The following ARHGAP24 variants were observed in gnomAD, a reference collection of about 807,000 sequenced individuals.
ARHGAP24 encodes rho GTPase-activating protein 24.
ARHGAP24 carries 50 observed loss-of-function variants against 76.4 expected under a neutral mutation model. The observed-to-expected ratio is 0.65, with a 90% CI of 0.52 to 0.83. The LOEUF is 0.83. Ranked by LOEUF, ARHGAP24 falls within the 40% of genes least tolerant of loss-of-function variation. The probability of loss-of-function intolerance (pLI) is 0.00; values close to 1 mark genes in which losing one functional copy is unlikely to be tolerated. For synonymous variants in ARHGAP24, 345 were observed against 323.3 expected (o/e 1.07, Z -0.72); for missense variants, 930 against 914.2 (o/e 1.02, Z -0.22).
At chr4:85,594,591 GA>G (rs1426600430) in intron 2 of ARHGAP24, among the ~76,000 whole-genome samples, 1 of 151,982 alleles carries the variant, frequency 6.6e-6, no homozygotes, top group Non-Finnish European at 1.5e-5. Context: ...AAAAGCCATT[GA>G]ATTGCCTTCT....
chr4:85,594,839 G>A (rs151152488), intron 2 of ARHGAP24, among the ~76,000 whole-genome samples: 160 of 152,054 alleles, frequency 1.1e-3, no homozygotes, highest in African/African-American at 3.6e-3. Flanking sequence ...ATCTAACTAC[G>A]TATGAGGTGA....
Position 85,995,399 on chromosome 4 carries a change from A to C in ARHGAP24, c.1745A>C (p.Asp582Ala). Residue 582 changes from aspartate (D) to alanine (A), a missense_variant, in exon 9 of 10, where the codon GAC becomes GCC. Transcript: ENST00000395184. ...RSSTTTCPEQ[D>A]FFGGNFEDPV... ...TCTACCACCACCTGCCCAGAGCAAG[A>C]CTTTTTTGGGGGGAACTTTGAGGAC... The C allele has an allele frequency of 6.2e-7, 1 of 1,613,026 alleles. No homozygotes were observed. Among genetic ancestry groups the C allele is most frequent in the Non-Finnish European group, 8.5e-7 (1 of 1,179,232 alleles).
At chr4:85,521,731 T>C (rs1050616541) in intron 1 of ARHGAP24, among the ~76,000 whole-genome samples, 6 of 152,188 alleles carry the variant, frequency 3.9e-5, no homozygotes, top group Admixed American at 6.6e-5. Flanking sequence ...CTAGTTTCTG[T>C]CAGTTTAAAA....
At chr4:85,642,410 A>G (rs977507672) in intron 2 of ARHGAP24, among the ~76,000 whole-genome samples, 3 of 152,120 alleles carry the variant, frequency 2.0e-5, no homozygotes, top group Non-Finnish European at 2.9e-5. Flanking sequence ...ACTTCTTTCA[A>G]TAGTCTACTA....
intron 3 of ARHGAP24, among the ~76,000 whole-genome samples, chr4:85,860,219 T>C (rs1344605037): frequency 2.0e-5 from 3 of 152,090 alleles, no homozygotes; most frequent in Non-Finnish European, 4.4e-5. Flanking sequence ...TAAGGTACTA[T>C]TTATGGAGAA....
intron 3 of ARHGAP24, among the ~76,000 whole-genome samples, chr4:85,767,599 A>C (rs1726977674): frequency 6.6e-6 from 1 of 152,184 alleles, no homozygotes. Context: ...GGAGGGAGGA[A>C]AAAGAAAAAT....
chr4:85,633,634 G>A (rs1399346910), intron 2 of ARHGAP24, among the ~76,000 whole-genome samples: 2 of 151,678 alleles, frequency 1.3e-5, no homozygotes, highest in African/African-American at 4.8e-5. Flanking sequence ...CACCCAGAAG[G>A]TGAGTGAGAA....
intron 2 of ARHGAP24, among the ~76,000 whole-genome samples, chr4:85,575,746 G>T (rs1727344327): frequency 6.6e-6 from 1 of 152,232 alleles, no homozygotes; most frequent in Admixed American, 6.5e-5. Context: ...TTTCCTAATG[G>T]TTTTTCAGGC....
At chr4:85,915,270 G>A (rs10516766) in intron 3 of ARHGAP24, among the ~76,000 whole-genome samples, 23,756 of 152,136 alleles carry the variant, frequency 0.16, 2,128 homozygotes, top group South Asian at 0.34. Flanking sequence ...TCCAAGAAAT[G>A]CGAAAAATAG....
intron 3 of ARHGAP24, among the ~76,000 whole-genome samples, chr4:85,758,644 A>C (rs936212533): frequency 3.9e-5 from 6 of 152,210 alleles, no homozygotes; most frequent in African/African-American, 1.2e-4. Context: ...GGTGCGTTGG[A>C]GGAAGGCAAG....
At chr4:85,991,728 G>C (rs905902387) in intron 8 of ARHGAP24, 1 of 156,630 alleles carries the variant, frequency 6.4e-6, no homozygotes, top group Non-Finnish European at 1.4e-5. Context: ...AGAGGCATAA[G>C]TGTCACTTTT....
At chr4:85,900,529 C>A (rs1194182776) in intron 3 of ARHGAP24, among the ~76,000 whole-genome samples, 1 of 151,752 alleles carries the variant, frequency 6.6e-6, no homozygotes, top group African/African-American at 2.4e-5. Flanking sequence ...CGGCCCATTG[C>A]AACCTCTGCC....
chr4:85,511,315 A>C (rs1358734248), intron 1 of ARHGAP24, among the ~76,000 whole-genome samples: 5 of 152,140 alleles, frequency 3.3e-5, no homozygotes, highest in African/African-American at 1.2e-4. Context: ...GATCTAGGAA[A>C]GACTTTCAAC....
intron 3 of ARHGAP24, among the ~76,000 whole-genome samples, chr4:85,793,961 GA>G (rs1266436875): frequency 6.6e-6 from 1 of 152,196 alleles, no homozygotes; most frequent in East Asian, 1.9e-4. Flanking sequence ...ATTTATTTAA[GA>G]GTATGAAGCA....
At chr4:85,956,652 A>G (rs1737917245) in intron 5 of ARHGAP24, among the ~76,000 whole-genome samples, 1 of 152,208 alleles carries the variant, frequency 6.6e-6, no homozygotes, top group Non-Finnish European at 1.5e-5. Flanking sequence ...CCCAGTGACT[A>G]GTGTTCAGCT....
chr4:85,937,326 G>T (rs938783073), intron 4 of ARHGAP24, among the ~76,000 whole-genome samples: 4 of 152,102 alleles, frequency 2.6e-5, no homozygotes, highest in African/African-American at 9.7e-5. Flanking sequence ...CCAAAATTAG[G>T]ATTAAAAGAC....
intron 1 of ARHGAP24, among the ~76,000 whole-genome samples, chr4:85,509,638 A>G (rs1724200184): frequency 6.6e-6 from 1 of 152,064 alleles, no homozygotes; most frequent in East Asian, 1.9e-4. Context: ...ACCTGGTAGC[A>G]TGTTTATTGT....
chr4:85,897,007 G>A (rs528660942), intron 3 of ARHGAP24, among the ~76,000 whole-genome samples: 19 of 152,146 alleles, frequency 1.2e-4, no homozygotes, highest in African/African-American at 3.9e-4. Context: ...TTCACCTTGG[G>A]CATTGCACGT....
At chr4:85,952,732 A>G (rs544776077) in intron 5 of ARHGAP24, among the ~76,000 whole-genome samples, 1 of 152,246 alleles carries the variant, frequency 6.6e-6, no homozygotes, top group Non-Finnish European at 1.5e-5. Flanking sequence ...ATATTCCCAC[A>G]TACTCCTTGG....
Sources: allele counts gnomAD v4.1 joint callset (sites outside exome capture counted in the v4.1 genomes callset), GRCh38; gene constraint gnomAD v4.1.1; transcripts MANE v1.5; gene names NCBI Gene and HGNC (gene_info 2026-07-23, HGNC 2026-07-21).